CHD4: variants seen among roughly 807,000 people sequenced by gnomAD.
CHD4 encodes the protein ATP-dependent chromatin remodeler CHD4.
CHD4 carries 35 observed loss-of-function variants against 235.5 expected under a neutral mutation model. That is an observed-to-expected ratio of 0.15 (90% CI 0.11 to 0.20). CHD4 has a LOEUF of 0.20. Among genes scored for constraint, CHD4 ranks in the 10% least tolerant of loss-of-function variants. CHD4 has a pLI of 1.00. For synonymous variants in CHD4, 900 were observed against 850.2 expected (o/e 1.06, Z -1.02); for missense variants, 1,329 against 2,432.3 (o/e 0.55, Z 9.54).
Position 6,573,368 on chromosome 12 carries a change from A to G in CHD4, c.5362-99T>C, listed in dbSNP as rs79722294. On this transcript the variant is annotated intron_variant, in intron 37 of 39. Transcript: ENST00000544040. The stretch of plus-strand genomic sequence containing the variant: ...TCACCTCTCATTGTTTCAGATGGTA[A>G]TAAGAACCTATGAAGAACTTCATGG... 351 of 997,534 alleles carry G rather than the reference A, an allele frequency of 3.5e-4. 1 individual carries two copies. In the East Asian group the frequency reaches 0.01, roughly 30 times the overall value. The allele number at this position is 997,534 out of a possible 1,614,324, so 61.8% of individuals were successfully genotyped here.
intron 1 of CHD4, 101 bp from the exon 2 acceptor site, chr12:6,606,552 T>G: frequency 2.0e-6 from 1 of 491,690 alleles, no homozygotes; most frequent in Non-Finnish European, 3.6e-6. Flanking sequence ...CCAGCCACCC[T>G]AGCAGGGCAC....
At chr12:6,581,423 A>T in intron 31 of CHD4, 35 bp from the exon 32 acceptor site, 1 of 1,596,138 alleles carries the variant, frequency 6.3e-7, no homozygotes, top group Non-Finnish European at 8.6e-7. Flanking sequence ...ATTAGGAAGA[A>T]GGTACTAGAT....
At chr12:6,606,536 C>G (rs1948704296) in intron 1 of CHD4, 85 bp from the exon 2 acceptor site, 1 of 508,036 alleles carries the variant, frequency 2.0e-6, no homozygotes. Flanking sequence ...CTTTCCGCCC[C>G]CCACCCCAGC....
chr12:6,577,115 T>C (rs1246834653), intron 37 of CHD4, among the ~76,000 whole-genome samples: 2 of 152,106 alleles, frequency 1.3e-5, no homozygotes, highest in East Asian at 3.9e-4. Flanking sequence ...ACAGGCACTT[T>C]TTAGCCCAGA....
At chr12:6,585,124 C>CA (rs1324585487) in intron 25 of CHD4, among the ~76,000 whole-genome samples, 14 of 152,282 alleles carry the variant, frequency 9.2e-5, no homozygotes, top group Middle Eastern at 3.4e-3. Context: ...GAGTGGTTTA[C>CA]AGAGGACAAG....
At chr12:6,582,399 C>A in intron 29 of CHD4, 118 bp from the exon 30 acceptor site, 1 of 1,343,834 alleles carries the variant, frequency 7.4e-7, no homozygotes, top group Non-Finnish European at 1.0e-6. Flanking sequence ...TGAGGTAAAG[C>A]CCACCACTGC....
intron 29 of CHD4, 53 bp downstream of exon 29, chr12:6,582,562 A>T: frequency 6.4e-7 from 1 of 1,557,782 alleles, no homozygotes; most frequent in Non-Finnish European, 8.7e-7. Context: ...GAATGACCAG[A>T]TAGATAGCAG....
chr12:6,585,523 C>A (rs1003944688), intron 25 of CHD4, among the ~76,000 whole-genome samples: 5 of 151,986 alleles, frequency 3.3e-5, no homozygotes, highest in Non-Finnish European at 7.4e-5. Flanking sequence ...ACCTCGTGAT[C>A]CACCCGCCTT....
intron 25 of CHD4, chr12:6,583,600 T>G (rs1305876876): frequency 2.0e-6 from 1 of 495,320 alleles, no homozygotes; most frequent in Non-Finnish European, 3.5e-6. Context: ...AAGAAAAACA[T>G]GGGATAGAGC....
chr12:6,603,814 G>A (rs7969177), intron 2 of CHD4, among the ~76,000 whole-genome samples: 25,336 of 151,996 alleles, frequency 0.17, 2,322 homozygotes, highest in African/African-American at 0.24. Flanking sequence ...TGTGGTCAGC[G>A]CATACAACCT....
chr12:6,591,901 G>C lies in CHD4; in HGVS notation c.3090+15C>G. 1 of 1,614,196 alleles carries C rather than the reference G, an allele frequency of 6.2e-7. No individual in the cohort carries two copies. The highest frequency in any genetic ancestry group is 8.5e-7 in the Non-Finnish European group (1 of 1,180,014). ...AGACCCAACCCAGGGAGGAACAGGA[G>C]ATGGCACTACATACCATTGCAGCCA... On this transcript the variant is annotated intron_variant, in intron 20 of 39. Transcript: ENST00000544040.
At chr12:6,573,382 A>AGGCC in intron 37 of CHD4, 113 bp from the exon 38 acceptor site, 1 of 864,700 alleles carries the variant, frequency 1.2e-6, no homozygotes. Context: ...GAACCTATGA[A>AGGCC]GAACTTCATG....
At position 6,600,585 on chromosome 12, in the gene CHD4, G is replaced by A. The variant is rs751877653; in HGVS notation, c.1012C>T (p.Arg338Cys). Residue 338 changes from arginine to cysteine, a missense_variant, in exon 8 of 40, where the codon CGT becomes TGT. This residue lies in a region of CHD4 where 160 missense variants were observed against 196.6 expected (regional missense o/e 0.81). Transcript: ENST00000544040. ...SYSVSDGSTS[R>C]SSRSRKKLRT... Reference sequence around the variant, plus strand: ...AGTTTCTTGCGGCTGCGGCTACTACGGCTGGTGGAACCATCAGAAACAGAA... The same window carrying A: ...AGTTTCTTGCGGCTGCGGCTACTACAGCTGGTGGAACCATCAGAAACAGAA... 3.1e-6 allele frequency: 5 copies of A among 1,613,724 alleles called. No homozygotes were observed. Among genetic ancestry groups the A allele is most frequent in the East Asian group, 2.2e-5 (1 of 44,870 alleles).
chr12:6,586,195 G>A (rs1170861127), intron 25 of CHD4, among the ~76,000 whole-genome samples: 3 of 151,406 alleles, frequency 2.0e-5, no homozygotes, highest in Non-Finnish European at 4.4e-5. Flanking sequence ...TCAGGAGATC[G>A]AGACCATCCT....
In CHD4 at chr12:6,581,357, G is replaced by C. The variant is rs1565604763; in HGVS notation, c.4713C>G (p.Leu1571=). 1 of 1,614,044 alleles carries C rather than the reference G, an allele frequency of 6.2e-7. No individual in the cohort carries two copies. The highest frequency in any genetic ancestry group is 8.5e-7 in the Non-Finnish European group (1 of 1,180,006). The change falls in exon 32 of 40, where the codon CTC becomes CTG. Residue 1571 remains leucine (L), a synonymous_variant. Coordinates refer to ENST00000544040, the MANE Select transcript of CHD4 (RefSeq NM_001273.5). ...CTCCTTCTATGCTCTCTTCTTCTTT[G>C]AGGCTATTTTCCTCTATTTTTATCC... The part of the protein sequence containing the change: ...EDGIKIEENS[L]KEEESIEGEK...
chr12:6,573,468 T>G (rs1448729110), intron 37 of CHD4, 199 bp from the exon 38 acceptor site: 1 of 389,264 alleles, frequency 2.6e-6, no homozygotes, highest in Non-Finnish European at 4.5e-6. Context: ...ATGTCCTCAT[T>G]TTTAAAACTC....
chr12:6,589,516 C>T (rs1038943031), intron 22 of CHD4, among the ~76,000 whole-genome samples: 1 of 152,138 alleles, frequency 6.6e-6, no homozygotes, highest in Non-Finnish European at 1.5e-5. Context: ...CGCCTGTAAT[C>T]CCAGCACTTT....
In CHD4 at chr12:6,598,013, A is replaced by G. The variant is rs928652401; in HGVS notation, c.1773T>C (p.Asp591=). 11 of 1,614,138 alleles carry G rather than the reference A, an allele frequency of 6.8e-6. No individual in the cohort carries two copies. The highest frequency in any genetic ancestry group is 9.3e-6 in the Non-Finnish European group (11 of 1,180,022). ...TCTTTCGCTTTCGGCTTTTCTCTTC[A>G]TCACCACCAAAGTCCCCAGAAGGTG... ...DEPPSGDFGG[D]EEKSRKRKNK... The change falls in exon 12 of 40, where the codon GAT becomes GAC. Residue 591 remains aspartate, a synonymous_variant. Coordinates refer to ENST00000544040, the MANE Select transcript of CHD4 (RefSeq NM_001273.5).
At position 6,601,695 on chromosome 12, in the gene CHD4, C is replaced by G. The variant is rs1948593657; in HGVS notation, c.510G>C (p.Glu170Asp). ...MEDIDHVFSE[E>D]DYRTLTNYKA... is the part of the protein sequence containing the mutation. ...TGTAGTTGGTGAGGGTTCGATAATC[C>G]TCCTCTGAGAACACGTGGTCAATGT... The change falls in exon 5 of 40, where the codon GAG becomes GAC. Residue 170 changes from glutamate (E) to aspartate (D), a missense_variant. Glu to Asp is a conservative substitution (Grantham distance 45). This residue lies in a region of CHD4 where 39 missense variants were observed against 86.6 expected (regional missense o/e 0.45). Transcript: ENST00000544040. 31 of 1,614,052 alleles carry G rather than the reference C, an allele frequency of 1.9e-5. No homozygotes were observed. Among genetic ancestry groups the G allele is most frequent in the Non-Finnish European group, 2.5e-5 (30 of 1,180,044 alleles).
Sources: gnomAD v4.1 joint callset for allele counts (sites outside exome capture counted in the v4.1 genomes callset) on GRCh38, gnomAD v4.1.1 for gene constraint, gnomAD v4.1.1 regional missense constraint, MANE v1.5 for transcripts, NCBI Gene and HGNC (gene_info 2026-07-23, HGNC 2026-07-21) for gene names.